The following SCFD2 variants were observed in gnomAD, a reference collection of about 807,000 sequenced individuals.
SCFD2 encodes the protein sec1 family domain containing 2.
In SCFD2, 54 loss-of-function variants were observed where a neutral mutation model predicts 58.9. The ratio of observed to expected loss-of-function variants is 0.92; its 90% confidence interval spans 0.74 to 1.15. SCFD2 has a LOEUF of 1.15. SCFD2 is among the 50% of genes most tolerant of loss of function. SCFD2 has a pLI of 0.00. For synonymous variants in SCFD2, 321 were observed against 335.9 expected, an observed-to-expected ratio of 0.96 and a Z score of 0.49; for missense variants, 805 against 836.6, an observed-to-expected ratio of 0.96 and a Z score of 0.47.
At chr4:53,213,762 C>T (rs955548642) in intron 4 of SCFD2, among the ~76,000 whole-genome samples, 1 of 152,006 alleles carries the variant, frequency 6.6e-6, no homozygotes, top group African/African-American at 2.4e-5. Context: ...TCCATTAACT[C>T]GTCATTTATA....
intron 5 of SCFD2, among the ~76,000 whole-genome samples, chr4:52,952,965 A>G (rs1720635322): frequency 6.6e-6 from 1 of 152,226 alleles, no homozygotes; most frequent in Non-Finnish European, 1.5e-5. Flanking sequence ...TTTAGTAGCC[A>G]CAGATAGCAG....
intron 7 of SCFD2, among the ~76,000 whole-genome samples, chr4:52,898,413 C>T (rs951499267): frequency 6.6e-6 from 1 of 152,194 alleles, no homozygotes; most frequent in African/African-American, 2.4e-5. Context: ...GTTATGCACC[C>T]AGTAGTTATT....
At chr4:53,136,187 T>A (rs1725932835) in intron 5 of SCFD2, among the ~76,000 whole-genome samples, 2 of 152,190 alleles carry the variant, frequency 1.3e-5, no homozygotes, top group Admixed American at 6.5e-5. Flanking sequence ...CAGGGATCCG[T>A]AAGCCAAAGG....
intron 3 of SCFD2, among the ~76,000 whole-genome samples, chr4:53,305,112 G>A (rs755145773): frequency 5.3e-5 from 8 of 151,822 alleles, no homozygotes; most frequent in Admixed American, 2.6e-4. Flanking sequence ...TCCATGTTGT[G>A]GCAAATGGAT....
intron 4 of SCFD2, among the ~76,000 whole-genome samples, chr4:53,206,896 C>T (rs998389315): frequency 1.3e-5 from 2 of 151,948 alleles, no homozygotes; most frequent in Non-Finnish European, 2.9e-5. Flanking sequence ...TTTTCTGTTG[C>T]TATAAGAGAA....
At chr4:53,148,183 T>C (rs1272696550) in intron 4 of SCFD2, among the ~76,000 whole-genome samples, 1 of 152,324 alleles carries the variant, frequency 6.6e-6, no homozygotes, top group Non-Finnish European at 1.5e-5. Context: ...AATATAGTTA[T>C]AAAAAGTTTA....
intron 4 of SCFD2, among the ~76,000 whole-genome samples, chr4:53,250,749 G>A (rs1730334706): frequency 6.6e-6 from 1 of 152,196 alleles, no homozygotes; most frequent in Admixed American, 6.5e-5. Flanking sequence ...AAAGCAGTGT[G>A]TAGAGGGAAA....
intron 2 of SCFD2, among the ~76,000 whole-genome samples, chr4:53,325,693 T>A (rs1249183982): frequency 6.6e-6 from 1 of 152,230 alleles, no homozygotes; most frequent in Non-Finnish European, 1.5e-5. Context: ...TTGACTTATT[T>A]TTATCTCCTT....
intron 5 of SCFD2, among the ~76,000 whole-genome samples, chr4:53,056,151 AG>A (rs1723333336): frequency 7.0e-6 from 1 of 142,960 alleles, no homozygotes; most frequent in Non-Finnish European, 1.5e-5. Flanking sequence ...TTCAGGTCAT[AG>A]GGGAAGGCAA....
intron 5 of SCFD2, among the ~76,000 whole-genome samples, chr4:53,066,400 C>T (rs1000425016): frequency 1.3e-5 from 2 of 152,090 alleles, no homozygotes; most frequent in Non-Finnish European, 2.9e-5. Context: ...ACAGTAGCCA[C>T]TTAGCAATCA....
intron 2 of SCFD2, among the ~76,000 whole-genome samples, chr4:53,332,913 A>C (rs1421230379): frequency 6.6e-6 from 1 of 151,478 alleles, no homozygotes; most frequent in Non-Finnish European, 1.5e-5. Context: ...CGGGATACAA[A>C]ATCAATGTAC....
intron 5 of SCFD2, among the ~76,000 whole-genome samples, chr4:53,059,665 C>A (rs1421368761): frequency 2.0e-5 from 3 of 151,186 alleles, no homozygotes; most frequent in Non-Finnish European, 4.4e-5. Context: ...CATTCCTCTT[C>A]TTCCGTATAG....
At chr4:53,051,200 G>A (rs1723182731) in intron 5 of SCFD2, among the ~76,000 whole-genome samples, 1 of 152,132 alleles carries the variant, frequency 6.6e-6, no homozygotes, top group South Asian at 2.1e-4. Context: ...TTTACAAAAA[G>A]CAACAAAGGT....
chr4:53,284,214 C>T (rs1363457882), intron 3 of SCFD2, among the ~76,000 whole-genome samples: 2 of 150,144 alleles, frequency 1.3e-5, no homozygotes, highest in Non-Finnish European at 3.0e-5. Flanking sequence ...GCTGGGTAGC[C>T]AAAAGTCTAA....
At chr4:52,929,745 T>C (rs1719945623) in intron 5 of SCFD2, among the ~76,000 whole-genome samples, 1 of 152,192 alleles carries the variant, frequency 6.6e-6, no homozygotes, top group African/African-American at 2.4e-5. Context: ...TGAACATCTG[T>C]ACTGCTCCAG....
intron 5 of SCFD2, among the ~76,000 whole-genome samples, chr4:53,102,853 A>C (rs1724868876): frequency 6.8e-6 from 1 of 147,334 alleles, no homozygotes; most frequent in South Asian, 2.1e-4. Flanking sequence ...CTCTTACTTG[A>C]CAAATGTAAA....
intron 4 of SCFD2, among the ~76,000 whole-genome samples, chr4:53,227,301 G>A (rs1729249750): frequency 6.6e-6 from 1 of 152,078 alleles, no homozygotes; most frequent in Non-Finnish European, 1.5e-5. Context: ...AAATTTTAAA[G>A]AGGAAAAAAA....
chr4:52,966,086 C>T (rs555029962), intron 5 of SCFD2, among the ~76,000 whole-genome samples: 22 of 152,266 alleles, frequency 1.4e-4, no homozygotes, highest in African/African-American at 5.3e-4. Context: ...CTTGACAGCC[C>T]AGTCTTGACA....
chr4:53,004,112 A>T (rs967528061), intron 5 of SCFD2, among the ~76,000 whole-genome samples: 3 of 152,254 alleles, frequency 2.0e-5, no homozygotes, highest in Non-Finnish European at 4.4e-5. Context: ...AAAAAGAAGC[A>T]GTACTTAGGT....
Sources: gnomAD v4.1 joint callset for allele counts (sites outside exome capture counted in the v4.1 genomes callset) on GRCh38, gnomAD v4.1.1 for gene constraint, MANE v1.5 for transcripts, NCBI Gene and HGNC (gene_info 2026-07-23, HGNC 2026-07-21) for gene names.